The following CCR3 variants were observed in gnomAD, a reference collection of about 807,000 sequenced individuals.
The protein encoded by CCR3 is C-C chemokine receptor type 3.
For missense variants in CCR3, 419 were observed against 437.5 expected (o/e 0.96, Z 0.38); for synonymous variants, 203 against 179.2 (o/e 1.13, Z -1.06).
intron 1 of CCR3, among the ~76,000 whole-genome samples, chr3:46,259,244 A>G (rs112340780): frequency 2.5e-4 from 38 of 152,332 alleles, no homozygotes; most frequent in African/African-American, 8.2e-4. Context: ...GAGTCTTTCT[A>G]TGAATTTCAT....
intron 1 of CCR3, among the ~76,000 whole-genome samples, chr3:46,255,387 C>A (rs1171721172): frequency 2.6e-5 from 4 of 152,038 alleles, no homozygotes; most frequent in African/African-American, 7.2e-5. Flanking sequence ...TGTGCAGAAG[C>A]TTTTTAGTTT....
At chr3:46,236,281 T>C (rs922547452) in intron 2 of CCR3, among the ~76,000 whole-genome samples, 1 of 152,184 alleles carries the variant, frequency 6.6e-6, no homozygotes, top group African/African-American at 2.4e-5. Context: ...TCTCTGACCT[T>C]GTGCCCCTCA....
chr3:46,232,463 G>A (rs1470241382), intron 2 of CCR3, among the ~76,000 whole-genome samples: 1 of 152,216 alleles, frequency 6.6e-6, no homozygotes, highest in Non-Finnish European at 1.5e-5. Flanking sequence ...GCCTGAGGAA[G>A]GTTTGGCATA....
At chr3:46,260,558 C>T (rs944498795) in intron 1 of CCR3, among the ~76,000 whole-genome samples, 4 of 152,196 alleles carry the variant, frequency 2.6e-5, no homozygotes, top group African/African-American at 9.7e-5. Flanking sequence ...GGCAGTCAAA[C>T]CTTAAAGCTC....
chr3:46,256,995 T>A (rs1700439907), intron 1 of CCR3, among the ~76,000 whole-genome samples: 1 of 150,792 alleles, frequency 6.6e-6, no homozygotes. Flanking sequence ...GTTGTAGTAG[T>A]AATGTACCTT....
At chr3:46,226,919 T>G (rs1160901948) in intron 2 of CCR3, among the ~76,000 whole-genome samples, 2 of 152,076 alleles carry the variant, frequency 1.3e-5, no homozygotes, top group African/African-American at 4.8e-5. Flanking sequence ...TTGCCCAGGC[T>G]GGAGTGCAGT....
At chr3:46,264,220 G>C (rs1271317598) in intron 1 of CCR3, 1 of 566,462 alleles carries the variant, frequency 1.8e-6, no homozygotes, top group Non-Finnish European at 3.1e-6. Flanking sequence ...TGATGGAGAA[G>C]CTCCCAGGGG....
intron 2 of CCR3, among the ~76,000 whole-genome samples, chr3:46,211,372 AAAATATGTATATATAT>A (rs1699711746): frequency 6.9e-6 from 1 of 144,494 alleles, no homozygotes; most frequent in South Asian, 2.3e-4. Flanking sequence ...CTAATTTGAA[AAAATATGTATATATAT>A]ATATATATAT....
intron 2 of CCR3, among the ~76,000 whole-genome samples, chr3:46,236,116 C>T (rs935541192): frequency 4.5e-4 from 68 of 152,262 alleles, no homozygotes; most frequent in Non-Finnish European, 7.5e-4. Context: ...TGGCTTGAGC[C>T]TGTGTGCCCA....
chr3:46,240,396 C>G (rs1371990992), upstream of CCR3, among the ~76,000 whole-genome samples: 7 of 152,172 alleles, frequency 4.6e-5, no homozygotes, highest in Non-Finnish European at 1.0e-4. Context: ...GCACAGGGAC[C>G]AAGCTCACCT....
At chr3:46,211,465 C>T (rs1699713546) in intron 2 of CCR3, among the ~76,000 whole-genome samples, 1 of 151,394 alleles carries the variant, frequency 6.6e-6, no homozygotes, top group Non-Finnish European at 1.5e-5. Flanking sequence ...CTCTAGTGAC[C>T]CTCTTGCCCC....
At chr3:46,224,010 A>G (rs910064444) in intron 2 of CCR3, among the ~76,000 whole-genome samples, 2 of 152,126 alleles carry the variant, frequency 1.3e-5, no homozygotes, top group African/African-American at 4.8e-5. Flanking sequence ...GCTCAGGGAG[A>G]GCTCTTTCAA....
chr3:46,243,006 C>CATATATATATATATATATATATAT (rs1559531100), intron 1 of CCR3, among the ~76,000 whole-genome samples: 7 of 77,576 alleles, frequency 9.0e-5, no homozygotes, highest in Middle Eastern at 6.3e-3. Flanking sequence ...TATATATACG[C>CATATATATATATATATATATATAT]ACACACACAT....
chr3:46,229,461 G>T (rs776253391), intron 2 of CCR3, among the ~76,000 whole-genome samples: 4 of 152,100 alleles, frequency 2.6e-5, no homozygotes, highest in Non-Finnish European at 4.4e-5. Flanking sequence ...AACCTAAAAT[G>T]TATAGCATTG....
At chr3:46,224,656 G>A (rs1217612999) in intron 2 of CCR3, among the ~76,000 whole-genome samples, 2 of 150,062 alleles carry the variant, frequency 1.3e-5, no homozygotes, top group African/African-American at 4.9e-5. Flanking sequence ...AGAATTGCTT[G>A]AGCCTGGGAG....
chr3:46,255,753 A>G (rs1165935504), intron 1 of CCR3, among the ~76,000 whole-genome samples: 1 of 152,140 alleles, frequency 6.6e-6, no homozygotes, highest in Admixed American at 6.5e-5. Flanking sequence ...CCATTGGTCT[A>G]TATGCCTGTT....
chr3:46,263,951 A>G (rs1426861729), intron 1 of CCR3: 1 of 155,894 alleles, frequency 6.4e-6, no homozygotes, highest in African/African-American at 2.4e-5. Context: ...AGAAATGCCC[A>G]TCGGCCTGTA....
intron 2 of CCR3, among the ~76,000 whole-genome samples, chr3:46,218,001 A>G (rs1301301455): frequency 1.3e-5 from 2 of 152,020 alleles, no homozygotes; most frequent in Non-Finnish European, 2.9e-5. Flanking sequence ...AAACAAAAAA[A>G]AAATACAAAA....
chr3:46,243,003 ACGCACACACACATACATTTT>A (rs1700121615), intron 1 of CCR3, among the ~76,000 whole-genome samples: 4 of 59,338 alleles, frequency 6.7e-5, no homozygotes, highest in South Asian at 4.9e-4. Flanking sequence ...ATATATATAT[ACGCACACACACATACATTTT>A]TATATATACA....
Sources: allele counts gnomAD v4.1 joint callset (sites outside exome capture counted in the v4.1 genomes callset), GRCh38; gene constraint gnomAD v4.1.1; transcripts MANE v1.5; gene names NCBI Gene and HGNC (gene_info 2026-07-23, HGNC 2026-07-21).